The following RADX variants were observed in gnomAD, a reference collection of about 807,000 sequenced individuals.
The protein encoded by RADX is RPA1 related single stranded DNA binding protein, X-linked.
In RADX, 36 loss-of-function variants were observed where a neutral mutation model predicts 61.6. That is an observed-to-expected ratio of 0.58 (90% CI 0.45 to 0.77). The LOEUF (loss-of-function observed/expected upper bound fraction) is 0.77, where lower values mean the gene tolerates loss of function less well. Ranked by LOEUF, RADX falls within the 30% of genes least tolerant of loss-of-function variation. The pLI is 0.00. For synonymous variants in RADX, 272 were observed against 237.9 expected, an observed-to-expected ratio of 1.14 and a Z score of -1.32; for missense variants, 497 against 651.1, an observed-to-expected ratio of 0.76 and a Z score of 2.58.
intron 8 of RADX, chrX:106,638,819 A>G (rs1222418118): frequency 2.4e-5 from 1 of 41,043 alleles, no homozygotes; most frequent in Non-Finnish European, 5.1e-5. Flanking sequence ...ATGATGTTAT[A>G]CAGAAAGACT....
chrX:106,630,576 A>G (rs1927191730), intron 3 of RADX, among the ~76,000 whole-genome samples: 1 of 111,486 alleles, frequency 9.0e-6, no homozygotes, highest in Non-Finnish European at 1.9e-5. Context: ...GACTGTTACT[A>G]CTCGCAAATT....
At chrX:106,650,329 C>G (rs1927763523) in intron 11 of RADX, among the ~76,000 whole-genome samples, 2 of 110,668 alleles carry the variant, frequency 1.8e-5, no homozygotes. Context: ...GAAATCAAGA[C>G]CCTAAGGTCT....
At chrX:106,628,844 G>A (rs914769362) in intron 3 of RADX, among the ~76,000 whole-genome samples, 8 of 110,105 alleles carry the variant, frequency 7.3e-5, no homozygotes, top group Non-Finnish European at 1.5e-4. Flanking sequence ...CATATTGGCC[G>A]GACTGGTCTT....
intron 11 of RADX, among the ~76,000 whole-genome samples, chrX:106,658,040 A>G (rs1224444195): frequency 9.0e-6 from 1 of 111,649 alleles, no homozygotes; most frequent in East Asian, 2.8e-4. Context: ...ATGCCTTTAT[A>G]TTAAAATAAA....
chrX:106,616,858 A>G (rs1390719904), intron 1 of RADX, among the ~76,000 whole-genome samples: 1 of 109,899 alleles, frequency 9.1e-6, no homozygotes, highest in East Asian at 2.8e-4. Context: ...CCTGTATTCT[A>G]TTTAGCCTTT....
chrX:106,663,919 T>C (rs1394845215), intron 12 of RADX, among the ~76,000 whole-genome samples: 1 of 111,927 alleles, frequency 8.9e-6, no homozygotes, highest in African/African-American at 3.2e-5. Flanking sequence ...TTTGTGTAGC[T>C]TTGGCTATGA....
chrX:106,644,768 A>T (rs1927615215), intron 10 of RADX, among the ~76,000 whole-genome samples: 1 of 111,161 alleles, frequency 9.0e-6, no homozygotes, highest in African/African-American at 3.3e-5. Context: ...TTATAAGGGT[A>T]ATACTGGCCT....
intron 1 of RADX, among the ~76,000 whole-genome samples, chrX:106,616,714 T>C (rs1417378775): frequency 1.8e-5 from 2 of 111,557 alleles, no homozygotes; most frequent in Non-Finnish European, 3.8e-5. Context: ...CCCAATGGTT[T>C]TTCTTTAGTG....
chrX:106,633,518 G>A (rs1405565634), intron 6 of RADX, among the ~76,000 whole-genome samples: 12 of 111,043 alleles, frequency 1.1e-4, no homozygotes, highest in Admixed American at 1.1e-3. Context: ...AAAATTCCAC[G>A]CATTAAAAAA....
Position 106,643,142 on chromosome X carries a change from T to C in RADX, c.1904+2421T>C, listed in dbSNP as rs184236149. ...TTTGTATACCTTCTTTTGAGAAACG[T>C]CTATTCAAATCTTTTGCCCGCTTTT... On this transcript the variant is annotated intron_variant, in intron 10 of 13. Transcript: ENST00000372548. Among the ~76,000 whole-genome samples, 365 of 111,650 alleles carry C rather than the reference T, an allele frequency of 3.3e-3. 1 individual carries two copies. Among genetic ancestry groups the C allele is most frequent in the Non-Finnish European group, 5.3e-3 (282 of 53,054 alleles).
intron 1 of RADX, among the ~76,000 whole-genome samples, chrX:106,618,212 A>C (rs1926858121): frequency 8.9e-6 from 1 of 111,986 alleles, no homozygotes; most frequent in Non-Finnish European, 1.9e-5. Flanking sequence ...AGTTTCCAAC[A>C]TGATTGTTTA....
intron 10 of RADX, among the ~76,000 whole-genome samples, chrX:106,643,877 C>T (rs1927590510): frequency 9.0e-6 from 1 of 111,318 alleles, no homozygotes; most frequent in Non-Finnish European, 1.9e-5. Flanking sequence ...GCAGTATAGA[C>T]ATTGTAATAA....
At chrX:106,666,247 A>G (rs1194448856) in intron 12 of RADX, among the ~76,000 whole-genome samples, 1 of 112,057 alleles carries the variant, frequency 8.9e-6, no homozygotes, top group Non-Finnish European at 1.9e-5. Context: ...CATTGGCTCT[A>G]CTAACACTAA....
At chrX:106,670,644 T>TATA (rs774846786) in intron 13 of RADX, among the ~76,000 whole-genome samples, 4,810 of 107,983 alleles carry the variant, frequency 0.045, 283 homozygotes, top group African/African-American at 0.15. Flanking sequence ...ATATGTATAA[T>TATA]ATAATAATAA....
At chrX:106,613,916 T>C (rs895790782) in intron 1 of RADX, among the ~76,000 whole-genome samples, 9 of 111,847 alleles carry the variant, frequency 8.0e-5, no homozygotes, top group Non-Finnish European at 1.7e-4. Flanking sequence ...ACAAGAAAAG[T>C]TGAGGGGATT....
intron 13 of RADX, among the ~76,000 whole-genome samples, chrX:106,677,489 C>T (rs1412238731): frequency 1.9e-5 from 2 of 105,635 alleles, no homozygotes; most frequent in African/African-American, 3.6e-5. Flanking sequence ...CCATGTCACT[C>T]ACCTGATCCA....
At chrX:106,663,366 C>T in intron 12 of RADX, among the ~76,000 whole-genome samples, 1 of 111,630 alleles carries the variant, frequency 9.0e-6, no homozygotes, top group South Asian at 3.7e-4. Flanking sequence ...CTCCATTAGA[C>T]AATCACAGAC....
chrX:106,633,073 T>G (rs1239817055), intron 5 of RADX, 50 bp downstream of exon 5: 1 of 1,152,174 alleles, frequency 8.7e-7, no homozygotes, highest in African/African-American at 1.8e-5. Flanking sequence ...TGAATAATTT[T>G]GTGTTCATAT....
intron 10 of RADX, among the ~76,000 whole-genome samples, chrX:106,641,511 T>C (rs1485680533): frequency 9.0e-6 from 1 of 111,401 alleles, no homozygotes; most frequent in East Asian, 2.8e-4. Flanking sequence ...AGTGATGAGA[T>C]AGGTATAGGA....
Sources: allele counts gnomAD v4.1 joint callset (sites outside exome capture counted in the v4.1 genomes callset), GRCh38; gene constraint gnomAD v4.1.1; transcripts MANE v1.5; gene names NCBI Gene and HGNC (gene_info 2026-07-23, HGNC 2026-07-21).